SRBD1: variants seen among roughly 807,000 people sequenced by gnomAD.
SRBD1 encodes S1 RNA-binding domain-containing protein 1.
SRBD1 carries 88 observed loss-of-function variants against 115.3 expected under a neutral mutation model. That is an observed-to-expected ratio of 0.76 (90% confidence interval 0.64 to 0.91). SRBD1 has a LOEUF of 0.91. Among genes scored for constraint, SRBD1 ranks in the 40% least tolerant of loss-of-function variants. The pLI is 0.00. For missense variants in SRBD1, 1,385 were observed against 1,177.4 expected (o/e 1.18, Z -2.58); for synonymous variants, 509 against 407.7 (o/e 1.25, Z -2.99).
chr2:45,603,897 C>T (rs954159695), intron 2 of SRBD1, among the ~76,000 whole-genome samples: 4 of 152,056 alleles, frequency 2.6e-5, no homozygotes, highest in Non-Finnish European at 4.4e-5. Context: ...CTTGTATATC[C>T]ACTTTCACCT....
chr2:45,488,956 A>G (rs1263471587), intron 14 of SRBD1, among the ~76,000 whole-genome samples: 1 of 152,136 alleles, frequency 6.6e-6, no homozygotes, highest in East Asian at 1.9e-4. Flanking sequence ...TCTTCCACTC[A>G]GGCAGGTGTT....
chr2:45,510,924 C>A (rs1441783554), intron 14 of SRBD1, among the ~76,000 whole-genome samples: 2 of 152,012 alleles, frequency 1.3e-5, no homozygotes, highest in African/African-American at 4.8e-5. Context: ...TTCAAATGAA[C>A]AAATACAAAG....
At chr2:45,601,807 C>A in intron 3 of SRBD1, 96 bp downstream of exon 3, 1 of 1,487,880 alleles carries the variant, frequency 6.7e-7, no homozygotes, top group Admixed American at 2.2e-5. Context: ...CAGTTTTTGT[C>A]ATTTACATGC....
At position 45,389,166 on chromosome 2, in the gene SRBD1, A is replaced by G. The variant is rs569843907; in HGVS notation, c.*144T>C. 8.3e-5 allele frequency: 84 copies of G among 1,016,080 alleles called. No individual in the cohort carries two copies. The highest frequency in any genetic ancestry group is 1.0e-4 in the Non-Finnish European group (73 of 711,926). 62.9% of individuals were successfully genotyped at this position (1,016,080 alleles called of 1,614,324 possible). A position where few individuals can be genotyped will look rare whatever the true frequency, so the allele number is the denominator to read the frequency against. On this transcript the variant is annotated 3_prime_UTR_variant, in exon 21 of 21. Coordinates refer to ENST00000263736, the MANE Select transcript of SRBD1 (RefSeq NM_018079.5). ...GGTTTTCTATTTATTCAGAAGAAAA[A>G]ATAAAGGAAAGTGTTTGGAAAATAT... is the stretch of plus-strand genomic sequence containing the variant.
intron 16 of SRBD1, among the ~76,000 whole-genome samples, chr2:45,465,218 G>A (rs977159172): frequency 3.3e-5 from 5 of 151,882 alleles, no homozygotes; most frequent in Non-Finnish European, 7.4e-5. Context: ...TACCTAATAC[G>A]GTGTAAAGGC....
intron 14 of SRBD1, among the ~76,000 whole-genome samples, chr2:45,492,902 G>GA (rs968183838): frequency 2.2e-4 from 34 of 152,234 alleles, no homozygotes; most frequent in Middle Eastern, 3.4e-3. Flanking sequence ...TATGTTAACA[G>GA]AAGAACTTAA....
At chr2:45,537,694 A>AT (rs1163400167) in intron 14 of SRBD1, among the ~76,000 whole-genome samples, 1 of 152,152 alleles carries the variant, frequency 6.6e-6, no homozygotes, top group Non-Finnish European at 1.5e-5. Context: ...ATGCTATGCC[A>AT]TTTTTCCTGC....
intron 16 of SRBD1, chr2:45,447,311 G>C (rs1295203283): frequency 6.6e-6 from 1 of 152,398 alleles, no homozygotes; most frequent in African/African-American, 2.4e-5. Flanking sequence ...TCTAGGCGTG[G>C]TGGCGGGCGC....
At chr2:45,523,583 A>G (rs1254713208) in intron 14 of SRBD1, among the ~76,000 whole-genome samples, 2 of 151,934 alleles carry the variant, frequency 1.3e-5, no homozygotes, top group Non-Finnish European at 1.5e-5. Context: ...TATATTAGAT[A>G]ACAAAGATGC....
chr2:45,514,699 C>T (rs540489570), intron 14 of SRBD1, among the ~76,000 whole-genome samples: 2 of 152,220 alleles, frequency 1.3e-5, no homozygotes, highest in South Asian at 2.1e-4. Flanking sequence ...GTTCTTCTGG[C>T]TCTATCATTA....
chr2:45,531,022 C>T (rs569889389), intron 14 of SRBD1, among the ~76,000 whole-genome samples: 2 of 149,864 alleles, frequency 1.3e-5, no homozygotes, highest in South Asian at 2.1e-4. Context: ...AAATAATTTG[C>T]GTATACTGCT....
rs543540532 is a variant in SRBD1, at chr2:45,488,387, A to G, written c.1875-56T>C. ...TTCCTAACTTCCTGCCTGGTCAAAG[A>G]AAATAAATGAATGAAACCAGGCATT... is the stretch of plus-strand genomic sequence containing the variant. On this transcript the variant is annotated intron_variant, in intron 14 of 20. Coordinates refer to ENST00000263736, the MANE Select transcript of SRBD1 (RefSeq NM_018079.5). 8 of 1,493,096 alleles carry G rather than the reference A, an allele frequency of 5.4e-6. No homozygotes were observed. In the South Asian group the frequency reaches 9.4e-5, roughly 18 times the overall value. 92.5% of individuals were successfully genotyped at this position (1,493,096 alleles called of 1,614,324 possible).
At position 45,414,904 on chromosome 2, in the gene SRBD1, T is replaced by C. The variant is rs552964319; in HGVS notation, c.2334-1611A>G. ...TGTGTATATAGTATGTACACACACA[T>C]ATAGTGTGTATATAGTATGTACACA... On this transcript the variant is annotated intron_variant, in intron 18 of 20. Coordinates refer to ENST00000263736, the MANE Select transcript of SRBD1 (RefSeq NM_018079.5). 1.5e-3 allele frequency among the ~76,000 whole-genome samples: 152 copies of C among 98,394 alleles called. 20 individuals are homozygous for C. Among genetic ancestry groups the C allele is most frequent in the African/African-American group, 5.9e-3 (142 of 24,000 alleles). 64.6% of individuals were successfully genotyped at this position (98,394 alleles called of 152,430 possible).
At chr2:45,451,359 G>A (rs1002427024) in intron 16 of SRBD1, among the ~76,000 whole-genome samples, 6 of 151,830 alleles carry the variant, frequency 4.0e-5, no homozygotes, top group African/African-American at 1.5e-4. Context: ...ATATTATTTC[G>A]CTTTTCAGAA....
At position 45,552,351 on chromosome 2, in the gene SRBD1, A is replaced by T. The variant is rs76830451; in HGVS notation, c.1518-1069T>A. On this transcript the variant is annotated intron_variant, in intron 11 of 20. Transcript: ENST00000263736. The stretch of plus-strand genomic sequence containing the variant: ...AAGTTATATTATTTTAACCATGGGC[A>T]TTTTAGAAAAAGAAAGAGAAAGTAC... 3.7e-3 allele frequency among the ~76,000 whole-genome samples: 560 copies of T among 152,334 alleles called. 10 individuals carry two copies. Among genetic ancestry groups the T allele is most frequent in the African/African-American group, 0.013 (533 of 41,582 alleles).
At chr2:45,582,868 G>A (rs2104188465) in intron 5 of SRBD1, among the ~76,000 whole-genome samples, 1 of 152,114 alleles carries the variant, frequency 6.6e-6, no homozygotes, top group South Asian at 2.1e-4. Context: ...GCTCAGGATG[G>A]GCACACCTAG....
chr2:45,605,506 G>A, intron 1 of SRBD1, 65 bp from the exon 2 acceptor site: 4 of 1,404,328 alleles, frequency 2.8e-6, no homozygotes, highest in Non-Finnish European at 4.0e-6. Context: ...TTGGCTACAA[G>A]TAATGGGTCA....
At chr2:45,588,361 T>C (rs1193881429) in intron 4 of SRBD1, among the ~76,000 whole-genome samples, 1 of 152,216 alleles carries the variant, frequency 6.6e-6, no homozygotes, top group Non-Finnish European at 1.5e-5. Flanking sequence ...CCAGTTACTT[T>C]GCTCTTAAGA....
intron 14 of SRBD1, among the ~76,000 whole-genome samples, chr2:45,546,526 T>C (rs1175645790): frequency 6.6e-6 from 1 of 152,242 alleles, no homozygotes; most frequent in Admixed American, 6.5e-5. Flanking sequence ...GTTTCTGGAC[T>C]CTGTCCTGCT....
Sources: allele counts gnomAD v4.1 joint callset (sites outside exome capture counted in the v4.1 genomes callset), GRCh38; gene constraint gnomAD v4.1.1; transcripts MANE v1.5; gene names NCBI Gene and HGNC (gene_info 2026-07-23, HGNC 2026-07-21).